DRC9: variants seen among roughly 807,000 people sequenced by gnomAD.
The protein encoded by DRC9 is dynein regulatory complex protein 9.
the DRC9 span, among the ~76,000 whole-genome samples, chr3:197,930,459 G>A: frequency 6.6e-6 from 1 of 152,050 alleles, no homozygotes; most frequent in Admixed American, 6.6e-5. Flanking sequence ...TTACAGGCGT[G>A]ATCCTAGCAC....
At chr3:197,902,692 G>T in the DRC9 span, among the ~76,000 whole-genome samples, 1 of 151,850 alleles carries the variant, frequency 6.6e-6, no homozygotes, top group Non-Finnish European at 1.5e-5. Context: ...AAGGATAAAA[G>T]AAATGGAAAG....
the DRC9 span, among the ~76,000 whole-genome samples, chr3:197,915,280 A>G: frequency 9.3e-5 from 14 of 150,392 alleles, no homozygotes; most frequent in South Asian, 2.7e-3. Context: ...CAAATCCTGA[A>G]GCAATCAAGA....
chr3:197,921,845 T>C, the DRC9 span, among the ~76,000 whole-genome samples: 1 of 142,484 alleles, frequency 7.0e-6, no homozygotes, highest in Non-Finnish European at 1.5e-5. Context: ...TTCATCTTGA[T>C]TGACCCGACT....
the DRC9 span, among the ~76,000 whole-genome samples, chr3:197,899,986 T>C: frequency 6.6e-6 from 1 of 152,170 alleles, no homozygotes; most frequent in East Asian, 1.9e-4. Flanking sequence ...GCACCTGAGA[T>C]GTGCATTGAA....
the DRC9 span, among the ~76,000 whole-genome samples, chr3:197,938,082 G>A: frequency 0.25 from 37,747 of 151,940 alleles, 5,861 homozygotes; most frequent in African/African-American, 0.45. Context: ...TTGGGAGGCC[G>A]AGGCGGGTGG....
chr3:197,919,633 T>TA, the DRC9 span, among the ~76,000 whole-genome samples: 1 of 152,148 alleles, frequency 6.6e-6, no homozygotes, highest in Non-Finnish European at 1.5e-5. Flanking sequence ...GATTTACTAA[T>TA]AAAAAGAGGC....
the DRC9 span, among the ~76,000 whole-genome samples, chr3:197,937,333 G>C: frequency 1.3e-5 from 2 of 152,102 alleles, no homozygotes; most frequent in African/African-American, 2.4e-5. Flanking sequence ...TGGCTATGTA[G>C]AATAATAATA....
the DRC9 span, among the ~76,000 whole-genome samples, chr3:197,924,986 T>C: frequency 1.2e-4 from 18 of 152,320 alleles, no homozygotes; most frequent in African/African-American, 3.8e-4. Context: ...TAGGTCCTAA[T>C]GACCACAAAA....
chr3:197,905,344 T>C, the DRC9 span, among the ~76,000 whole-genome samples: 1 of 152,116 alleles, frequency 6.6e-6, no homozygotes, highest in Non-Finnish European at 1.5e-5. Context: ...ATGCACTCCA[T>C]AAGTATATAC....
chr3:197,960,103 C>T, the DRC9 span: 1 of 827,372 alleles, frequency 1.2e-6, no homozygotes, highest in Non-Finnish European at 1.8e-6. Flanking sequence ...TCTTCTGCGG[C>T]GAACTTCTAG....
At chr3:197,953,800 T>C in the DRC9 span, 1 of 623,260 alleles carries the variant, frequency 1.6e-6, no homozygotes, top group Non-Finnish European at 2.9e-6. Context: ...TTTTGTTTTA[T>C]AGCTGCTGTA....
At chr3:197,938,505 G>A in the DRC9 span, 1 of 1,466,294 alleles carries the variant, frequency 6.8e-7, no homozygotes, top group Non-Finnish European at 9.6e-7. Context: ...GCTCATCTAT[G>A]TGTAAATACG....
chr3:197,946,373 T>C, the DRC9 span, among the ~76,000 whole-genome samples: 1 of 142,568 alleles, frequency 7.0e-6, no homozygotes. Flanking sequence ...AGGCAGAGCT[T>C]GCAGTGAGCC....
the DRC9 span, among the ~76,000 whole-genome samples, chr3:197,934,647 C>T: frequency 2.0e-5 from 3 of 151,938 alleles, no homozygotes; most frequent in Admixed American, 6.6e-5. Flanking sequence ...ACGCGTAGTC[C>T]GCTGTTCTTC....
the DRC9 span, chr3:197,950,381 G>A: frequency 8.4e-7 from 1 of 1,196,640 alleles, no homozygotes; most frequent in Non-Finnish European, 1.0e-6. Flanking sequence ...ATGTTGGGCT[G>A]ATGGTGTTTG....
the DRC9 span, chr3:197,912,617 TCAGTATAAG>T: frequency 9.8e-5 from 112 of 1,145,176 alleles, no homozygotes; most frequent in Admixed American, 2.0e-5. Flanking sequence ...TTTTGTTTCC[TCAGTATAAG>T]CAGAGTACAA....
chr3:197,938,464 C>A, the DRC9 span: 6 of 921,008 alleles, frequency 6.5e-6, no homozygotes, highest in Admixed American at 8.8e-5. Flanking sequence ...AACCTGTAGA[C>A]GATAGCAGTC....
At chr3:197,951,340 G>C in the DRC9 span, 1 of 1,611,958 alleles carries the variant, frequency 6.2e-7, no homozygotes, top group Non-Finnish European at 8.5e-7. Context: ...TAGGTTTTGG[G>C]TTTTTGAGAT....
the DRC9 span, chr3:197,954,189 A>C: frequency 7.5e-6 from 12 of 1,609,128 alleles, no homozygotes; most frequent in Non-Finnish European, 9.4e-6. Context: ...GATGAATCAG[A>C]CTAGGTTCAA....
Sources: allele counts gnomAD v4.1 joint callset (sites outside exome capture counted in the v4.1 genomes callset), GRCh38; gene constraint gnomAD v4.1.1; transcripts MANE v1.5; gene names NCBI Gene and HGNC (gene_info 2026-07-23, HGNC 2026-07-21).